The following SART3 variants were observed in gnomAD, a reference collection of about 807,000 sequenced individuals.
The protein encoded by SART3 is HIV-1 Tat-interacting protein of 110kDa.
Under a neutral mutation model 122.3 loss-of-function variants are expected in SART3, and 44 were observed. The ratio of observed to expected loss-of-function variants is 0.36; its 90% CI spans 0.28 to 0.46. The LOEUF (loss-of-function observed/expected upper bound fraction) is 0.46. SART3 is among the 20% of genes least tolerant of loss of function. SART3 has a pLI of 1.00. For missense variants in SART3, 1,101 were observed against 1,229.0 expected (o/e 0.90, Z 1.56); for synonymous variants, 442 against 454.0 (o/e 0.97, Z 0.34).
At chr12:108,558,618 C>T (rs1319107767) in intron 1 of SART3, among the ~76,000 whole-genome samples, 1 of 152,194 alleles carries the variant, frequency 6.6e-6, no homozygotes, top group African/African-American at 2.4e-5. Flanking sequence ...CATCGAAAGG[C>T]CCAGGACTAG....
intron 8 of SART3, chr12:108,537,796 C>A: frequency 1.5e-6 from 1 of 659,960 alleles, no homozygotes; most frequent in Non-Finnish European, 2.6e-6. Context: ...ACTTCTTCCA[C>A]AAGACGCCCT....
intron 1 of SART3, among the ~76,000 whole-genome samples, chr12:108,558,510 C>T (rs2030326686): frequency 6.6e-6 from 1 of 152,192 alleles, no homozygotes; most frequent in African/African-American, 2.4e-5. Context: ...GAGACCTCTG[C>T]TCTCCCCTTT....
Position 108,545,471 on chromosome 12 carries a change from A to C in SART3, c.545-148T>G, listed in dbSNP as rs1873362578. 1.1e-5 allele frequency: 8 copies of C among 727,082 alleles called. No homozygotes were observed. The South Asian group carries it at 1.3e-4, about 12-fold the overall frequency. The allele number at this position is 727,082 out of a possible 1,614,324, so 45.0% of individuals were successfully genotyped here. A position where few individuals can be genotyped will look rare whatever the true frequency, so the allele number is the denominator to read the frequency against. ...AGGCCTAACAGCAGAGATGACCATA[A>C]AGGACTAAAAAACATTACAGTCTGG... On this transcript the variant is annotated intron_variant, in intron 3 of 18. Transcript: ENST00000546815.
At chr12:108,535,657 G>A in intron 11 of SART3, 189 bp from the exon 12 acceptor site, 1 of 641,128 alleles carries the variant, frequency 1.6e-6, no homozygotes, top group Non-Finnish European at 2.9e-6. Context: ...CCTTTCTGCA[G>A]CCACAAGCTA....
At chr12:108,542,870 G>A in intron 6 of SART3, 158 bp downstream of exon 6, 1 of 1,020,334 alleles carries the variant, frequency 9.8e-7, no homozygotes, top group Non-Finnish European at 1.5e-6. Context: ...TAGGTACATG[G>A]ATGTTCACTT....
Position 108,560,559 on chromosome 12 carries a change from T to C in SART3, c.312+284A>G, listed in dbSNP as rs926983739. On this transcript the variant is annotated intron_variant, in intron 1 of 18. Transcript: ENST00000546815. ...GGCCTGACTTGCAGGAAGTGTTATC[T>C]TGAGCAAGAAACTTTCCTCCACGAG... The C allele has an allele frequency of 1.5e-5, 7 of 453,828 alleles. No individual in the cohort carries two copies. In the Admixed American group the frequency reaches 2.0e-4, roughly 13 times the overall value. 28.1% of individuals were successfully genotyped at this position (453,828 alleles called of 1,614,324 possible).
chr12:108,535,325 G>A, intron 12 of SART3, 34 bp downstream of exon 12: 2 of 1,544,728 alleles, frequency 1.3e-6, no homozygotes, highest in Non-Finnish European at 1.8e-6. Flanking sequence ...CAGCTGACAA[G>A]CACTGCCTCC....
chr12:108,552,559 G>C (rs1168867921), intron 1 of SART3, among the ~76,000 whole-genome samples: 1 of 126,002 alleles, frequency 7.9e-6, no homozygotes, highest in Non-Finnish European at 1.6e-5. Flanking sequence ...AAAAACAAAA[G>C]AACATGTGGA....
Position 108,545,118 on chromosome 12 carries a change from G to A in SART3, c.729+21C>T, listed in dbSNP as rs1467164764. Reference sequence around the variant, plus strand: ...TACAAAGACAGCCCCAACCCGTTCAGAGACAACCACAGGTACTCACCCGAG... The same window carrying A: ...TACAAAGACAGCCCCAACCCGTTCAAAGACAACCACAGGTACTCACCCGAG... On this transcript the variant is annotated intron_variant, in intron 4 of 18. Transcript: ENST00000546815. 2.5e-6 allele frequency: 4 copies of A among 1,612,854 alleles called. No homozygotes were observed. The African/African-American group carries it at 4.0e-5, about 16-fold the overall frequency.
intron 1 of SART3, among the ~76,000 whole-genome samples, chr12:108,558,986 T>C (rs2030347940): frequency 7.1e-6 from 1 of 140,346 alleles, no homozygotes; most frequent in South Asian, 2.2e-4. Context: ...TGAGCCGAGA[T>C]CGTGCCACTG....
chr12:108,553,022 G>C (rs73189240), intron 1 of SART3, among the ~76,000 whole-genome samples: 30,238 of 151,982 alleles, frequency 0.2, 3,863 homozygotes, highest in East Asian at 0.49. Context: ...CCCAGTAACA[G>C]ACCCACACAA....
Position 108,530,184 on chromosome 12 carries a change from C to T in SART3, c.1873G>A (p.Ala625Thr). ...KKIRGPEKRGADEDDEKEWGD... is the reference protein window; with the variant it reads ...KKIRGPEKRGTDEDDEKEWGD... Reference sequence around the variant, plus strand: ...CACTCTTTCTCATCATCCTCATCTGCTCCGCGCTTCTCTGGGCCTCTGATC... The same window carrying T: ...CACTCTTTCTCATCATCCTCATCTGTTCCGCGCTTCTCTGGGCCTCTGATC... The change falls in exon 15 of 19, where the codon GCA (alanine) becomes ACA (threonine). Residue 625 changes from alanine to threonine, a missense_variant. Coordinates refer to ENST00000546815, the MANE Select transcript of SART3 (RefSeq NM_014706.4). 1.2e-6 allele frequency: 2 copies of T among 1,614,198 alleles called. No individual in the cohort carries two copies. The highest frequency in any genetic ancestry group is 1.7e-6 in the Non-Finnish European group (2 of 1,180,036).
chr12:108,556,623 C>T (rs1158545571), intron 1 of SART3, among the ~76,000 whole-genome samples: 1 of 152,146 alleles, frequency 6.6e-6, no homozygotes, highest in Non-Finnish European at 1.5e-5. Context: ...TGTTCTAATC[C>T]CCACTTGTTC....
In SART3 at chr12:108,560,952, T is replaced by G. The variant is rs759395628; in HGVS notation, c.203A>C (p.Asp68Ala). The G allele has an allele frequency of 8.7e-6, 14 of 1,614,036 alleles. No homozygotes were observed. The highest frequency in any genetic ancestry group is 1.2e-5 in the Non-Finnish European group (14 of 1,179,964). ...CGCGGAGGAAGCCATGGCGTACTCA[T>G]CCCCATCGCTCTCGCTCACGCCTTC... is the stretch of plus-strand genomic sequence containing the variant. The part of the protein sequence containing the change: ...QEEGVSESDG[D>A]EYAMASSAES... The change falls in exon 1 of 19, where the codon GAT becomes GCT. Residue 68 changes from aspartate (D) to alanine (A), a missense_variant. Physicochemically the swap from Asp to Ala is moderately radical, Grantham distance 126 (BLOSUM62 -2). This residue lies in a region of SART3 where 216 missense variants were observed against 148.9 expected (regional missense o/e 1.45). Transcript: ENST00000546815.
At chr12:108,527,210 G>A (rs1012431171) in intron 15 of SART3, among the ~76,000 whole-genome samples, 1 of 152,178 alleles carries the variant, frequency 6.6e-6, no homozygotes, top group African/African-American at 2.4e-5. Context: ...GAGTGTCCCT[G>A]GGCTGGGTCC....
At chr12:108,551,372 A>G (rs2030003396) in intron 1 of SART3, among the ~76,000 whole-genome samples, 1 of 152,244 alleles carries the variant, frequency 6.6e-6, no homozygotes, top group South Asian at 2.1e-4. Flanking sequence ...TCAAAGAGAC[A>G]CAGCAGCAAT....
chr12:108,525,601 C>T lies in SART3; in HGVS notation c.2379G>A (p.Arg793=), dbSNP rs1219251419. ...KSKNPDFKVF[R]YSTSLEKHKL... The stretch of plus-strand genomic sequence containing the variant: ...TGTGTTTCTCTAGGGAAGTGCTGTA[C>T]CTGAACACCTATAGGAAGAAGGAAG... The change falls in exon 17 of 19, where the codon AGG becomes AGA. Residue 793 remains arginine (R), a synonymous_variant. Coordinates refer to ENST00000546815, the MANE Select transcript of SART3 (RefSeq NM_014706.4). 1.2e-6 allele frequency: 2 copies of T among 1,614,016 alleles called. No homozygotes were observed. The highest frequency in any genetic ancestry group is 2.2e-5 in the East Asian group (1 of 44,880).
intron 1 of SART3, 46 bp from the exon 2 acceptor site, chr12:108,549,260 G>A (rs2029894010): frequency 6.2e-7 from 1 of 1,605,782 alleles, no homozygotes; most frequent in Non-Finnish European, 8.5e-7. Context: ...CCGTCATCAA[G>A]TAACTTAGCT....
intron 9 of SART3, chr12:108,537,238 GA>G (rs1565861394): frequency 6.1e-6 from 3 of 493,812 alleles, no homozygotes; most frequent in Admixed American, 3.3e-5. Context: ...AAAAAGACCT[GA>G]AAGGAGAAAT....
Sources: allele counts gnomAD v4.1 joint callset (sites outside exome capture counted in the v4.1 genomes callset), GRCh38; gene constraint gnomAD v4.1.1; regional missense constraint gnomAD v4.1.1; transcripts MANE v1.5; gene names NCBI Gene and HGNC (gene_info 2026-07-23, HGNC 2026-07-21).